Variants in AP4E1 observed in about 807,000 individuals in gnomAD.
AP4E1 encodes the protein adaptor related protein complex 4 subunit epsilon 1, also known as AP-4 complex subunit epsilon-1.
In AP4E1, 56 loss-of-function variants were observed where a neutral mutation model predicts 128.2. That is an observed-to-expected ratio of 0.44 (90% CI 0.35 to 0.55). The LOEUF (loss-of-function observed/expected upper bound fraction) is 0.55. AP4E1 is among the 20% of genes least tolerant of loss of function. The pLI is 0.00. For missense variants in AP4E1, 1,324 were observed against 1,307.7 expected (o/e 1.01, Z -0.19); for synonymous variants, 484 against 473.1 (o/e 1.02, Z -0.30).
chr15:50,945,239 C>T, intron 10 of AP4E1: 1 of 788,408 alleles, frequency 1.3e-6, no homozygotes, highest in Non-Finnish European at 2.4e-6. Context: ...GTTCAATGAC[C>T]TGGGGATTTG....
At chr15:50,929,938 G>A (rs1356478519) in intron 6 of AP4E1, among the ~76,000 whole-genome samples, 1 of 151,754 alleles carries the variant, frequency 6.6e-6, no homozygotes, top group Admixed American at 6.6e-5. Flanking sequence ...TCCTTTTAAG[G>A]AGTGTGGATA....
At chr15:50,913,226 A>G (rs796820317) in intron 2 of AP4E1, among the ~76,000 whole-genome samples, 8 of 152,312 alleles carry the variant, frequency 5.3e-5, no homozygotes, top group African/African-American at 1.9e-4. Flanking sequence ...TGATATATCC[A>G]TGTGTATATA....
chr15:50,953,897 T>C (rs574370719), intron 13 of AP4E1, among the ~76,000 whole-genome samples: 1 of 152,308 alleles, frequency 6.6e-6, no homozygotes, highest in East Asian at 1.9e-4. Context: ...ATGGTCGCAG[T>C]GCGTGATGAG....
chr15:50,936,705 G>A (rs1448367699), intron 8 of AP4E1, among the ~76,000 whole-genome samples: 1 of 152,168 alleles, frequency 6.6e-6, no homozygotes, highest in East Asian at 1.9e-4. Context: ...GGAGGCCGAG[G>A]TGGGCGGATC....
At chr15:50,958,818 T>C in intron 14 of AP4E1, 24 bp downstream of exon 14, 1 of 1,612,296 alleles carries the variant, frequency 6.2e-7, no homozygotes, top group African/African-American at 1.3e-5. Flanking sequence ...GTTCCATCTT[T>C]TTAAAAATTG....
chr15:50,971,917 T>C (rs79119697), intron 15 of AP4E1, among the ~76,000 whole-genome samples: 1 of 152,154 alleles, frequency 6.6e-6, no homozygotes, highest in African/African-American at 2.4e-5. Context: ...CTTAATATTG[T>C]TATTTTGAAT....
At chr15:50,915,609 G>A (rs2063620719) in intron 3 of AP4E1, 38 bp downstream of exon 3, 9 of 1,605,808 alleles carry the variant, frequency 5.6e-6, no homozygotes, top group Non-Finnish European at 7.7e-6. Flanking sequence ...CTTTCATGTT[G>A]TCCTTGAAGT....
intron 16 of AP4E1, among the ~76,000 whole-genome samples, chr15:50,992,354 C>T (rs1007596697): frequency 1.3e-5 from 2 of 152,090 alleles, no homozygotes; most frequent in Non-Finnish European, 1.5e-5. Flanking sequence ...AGTGCCCCAA[C>T]CCTCTCCATT....
At chr15:50,978,761 T>C (rs1205635446) in intron 15 of AP4E1, among the ~76,000 whole-genome samples, 1 of 152,220 alleles carries the variant, frequency 6.6e-6, no homozygotes, top group Non-Finnish European at 1.5e-5. Context: ...CTCTTGGTTC[T>C]TTCTGCATAC....
At chr15:50,963,642 A>G (rs1210328073) in intron 14 of AP4E1, among the ~76,000 whole-genome samples, 2 of 152,202 alleles carry the variant, frequency 1.3e-5, no homozygotes, top group African/African-American at 2.4e-5. Context: ...CTAGTGTTTG[A>G]TGGCACAGTA....
chr15:50,935,118 T>C (rs537784735), intron 8 of AP4E1, among the ~76,000 whole-genome samples: 2 of 152,228 alleles, frequency 1.3e-5, no homozygotes, highest in Admixed American at 1.3e-4. Flanking sequence ...GCAAGGTACT[T>C]AGAATACAGC....
intron 17 of AP4E1, among the ~76,000 whole-genome samples, chr15:50,995,113 C>T (rs2064851422): frequency 6.6e-6 from 1 of 152,134 alleles, no homozygotes; most frequent in African/African-American, 2.4e-5. Context: ...TCAGCCCCGA[C>T]CCTTCCTCTG....
chr15:50,997,206 T>C (rs2064887729), intron 17 of AP4E1, 120 bp from the exon 18 acceptor site: 1 of 881,192 alleles, frequency 1.1e-6, no homozygotes, highest in East Asian at 2.8e-5. Flanking sequence ...ACTAATTTAT[T>C]CTTTATAGAT....
intron 15 of AP4E1, among the ~76,000 whole-genome samples, chr15:50,976,081 CCAGA>C (rs1188377266): frequency 6.7e-5 from 10 of 149,354 alleles, no homozygotes; most frequent in Admixed American, 3.3e-4. Context: ...GATAGCAAAG[CCAGA>C]CAGAGCCACC....
At chr15:50,912,177 A>T (rs2063573966) in intron 2 of AP4E1, 28 bp downstream of exon 2, 1 of 1,560,406 alleles carries the variant, frequency 6.4e-7, no homozygotes, top group Non-Finnish European at 8.7e-7. Context: ...GTGCCAACAC[A>T]TTTGAATTTG....
At chr15:50,969,796 C>G (rs1173309047) in intron 15 of AP4E1, among the ~76,000 whole-genome samples, 4 of 151,622 alleles carry the variant, frequency 2.6e-5, no homozygotes, top group Non-Finnish European at 5.9e-5. Flanking sequence ...GTAGCTGGGA[C>G]TACAAGCGCC....
intron 8 of AP4E1, among the ~76,000 whole-genome samples, chr15:50,936,476 AG>A (rs2063909794): frequency 6.6e-6 from 1 of 152,120 alleles, no homozygotes. Context: ...AAAATTCAAA[AG>A]GTACAAAAGG....
intron 7 of AP4E1, among the ~76,000 whole-genome samples, chr15:50,934,109 A>G (rs536431480): frequency 6.6e-6 from 1 of 152,080 alleles, no homozygotes; most frequent in Non-Finnish European, 1.5e-5. Context: ...GAATGGTCCA[A>G]ACCTATTAAT....
Position 50,949,829 on chromosome 15 carries a change from T to C in AP4E1, c.1320T>C (p.Tyr440=). Residue 440 remains tyrosine (Y), a synonymous_variant, in exon 12 of 21, where the codon TAT becomes TAC. Coordinates refer to ENST00000261842, the MANE Select transcript of AP4E1 (RefSeq NM_007347.5). ...VGKIAELAEK[Y]APDNAWFIQT... is the part of the protein sequence containing the mutation. ...TTGTTCTTAACACTGTGGACACATA[T>C]GCTCCTGATAATGCATGGTTTATTC... 2 of 1,610,162 alleles carry C rather than the reference T, an allele frequency of 1.2e-6. No homozygotes were observed. The highest frequency in any genetic ancestry group is 1.7e-6 in the Non-Finnish European group (2 of 1,176,610).
Sources: gnomAD v4.1 joint callset for allele counts (sites outside exome capture counted in the v4.1 genomes callset) on GRCh38, gnomAD v4.1.1 for gene constraint, MANE v1.5 for transcripts, NCBI Gene and HGNC (gene_info 2026-07-23, HGNC 2026-07-21) for gene names.